The following RAD54L2 variants were observed in gnomAD, a reference collection of about 807,000 sequenced individuals.
RAD54L2 encodes the protein helicase ARIP4.
In RAD54L2, 27 loss-of-function variants were observed where a neutral mutation model predicts 138.4. The observed-to-expected ratio is 0.20, with a 90% confidence interval of 0.14 to 0.27. The LOEUF (loss-of-function observed/expected upper bound fraction) is 0.27, where lower values mean the gene tolerates loss of function less well. Among genes scored for constraint, RAD54L2 ranks in the 10% least tolerant of loss-of-function variants. The pLI is 1.00. For synonymous variants in RAD54L2, 644 were observed against 723.2 expected (o/e 0.89, Z 1.76); for missense variants, 1,396 against 1,890.2 (o/e 0.74, Z 4.85).
At chr3:51,615,885 CATT>C (rs1700432085) in intron 3 of RAD54L2, among the ~76,000 whole-genome samples, 1 of 152,078 alleles carries the variant, frequency 6.6e-6, no homozygotes, top group African/African-American at 2.4e-5. Context: ...TTATTCTTAA[CATT>C]ATTTTTCATT....
chr3:51,646,212 C>T, intron 18 of RAD54L2, 73 bp from the exon 19 acceptor site: 1 of 1,390,556 alleles, frequency 7.2e-7, no homozygotes, highest in South Asian at 1.3e-5. Context: ...CAGCTCTTTT[C>T]TTGGTCCTAA....
chr3:51,650,890 A>G (rs1701413315), intron 19 of RAD54L2, among the ~76,000 whole-genome samples: 1 of 152,242 alleles, frequency 6.6e-6, no homozygotes, highest in Non-Finnish European at 1.5e-5. Context: ...GAGAAGCAAG[A>G]GCAAACAAAT....
At chr3:51,632,289 C>T (rs1700865116) in intron 7 of RAD54L2, among the ~76,000 whole-genome samples, 1 of 151,872 alleles carries the variant, frequency 6.6e-6, no homozygotes, top group African/African-American at 2.4e-5. Context: ...AAAAACTCTT[C>T]TGTTGTTGTT....
intron 2 of RAD54L2, among the ~76,000 whole-genome samples, chr3:51,576,059 G>A (rs1039831082): frequency 1.3e-5 from 2 of 152,076 alleles, no homozygotes; most frequent in Admixed American, 1.3e-4. Flanking sequence ...TAGCATGAAG[G>A]GCTGTTGAAT....
intron 3 of RAD54L2, among the ~76,000 whole-genome samples, chr3:51,620,910 G>C (rs1700556520): frequency 6.6e-6 from 1 of 151,484 alleles, no homozygotes; most frequent in Non-Finnish European, 1.5e-5. Flanking sequence ...TTTTCTCTCA[G>C]TAACTGTTGG....
chr3:51,542,241 G>T (rs1698572126), intron 2 of RAD54L2, among the ~76,000 whole-genome samples: 1 of 152,162 alleles, frequency 6.6e-6, no homozygotes, highest in African/African-American at 2.4e-5. Flanking sequence ...GGAGATGAGG[G>T]CCTCAAGCTT....
chr3:51,564,885 A>G (rs1699178833), intron 2 of RAD54L2, among the ~76,000 whole-genome samples: 1 of 152,202 alleles, frequency 6.6e-6, no homozygotes, highest in Non-Finnish European at 1.5e-5. Context: ...CATGTTATTT[A>G]TATGTTAGGA....
intron 10 of RAD54L2, 148 bp downstream of exon 10, chr3:51,635,937 A>C (rs1344443698): frequency 1.2e-6 from 1 of 817,878 alleles, no homozygotes; most frequent in African/African-American, 1.7e-5. Flanking sequence ...GATCAGTAGG[A>C]TGACTTCCAA....
At chr3:51,603,668 T>A (rs1042478137) in intron 3 of RAD54L2, among the ~76,000 whole-genome samples, 1 of 152,068 alleles carries the variant, frequency 6.6e-6, no homozygotes, top group Non-Finnish European at 1.5e-5. Context: ...GAAGGCTGCC[T>A]GAAAAATAAA....
chr3:51,596,339 T>C (rs1699964269), intron 3 of RAD54L2, among the ~76,000 whole-genome samples: 1 of 151,524 alleles, frequency 6.6e-6, no homozygotes, highest in African/African-American at 2.4e-5. Context: ...TCTTTCAGTC[T>C]GTACAAATGG....
At chr3:51,609,120 G>C (rs1443984293) in intron 3 of RAD54L2, among the ~76,000 whole-genome samples, 1 of 152,138 alleles carries the variant, frequency 6.6e-6, no homozygotes, top group African/African-American at 2.4e-5. Context: ...CAAGTGATCT[G>C]CCTGCTTTGC....
chr3:51,556,789 T>A (rs1698978875), intron 2 of RAD54L2, among the ~76,000 whole-genome samples: 1 of 152,116 alleles, frequency 6.6e-6, no homozygotes, highest in East Asian at 1.9e-4. Flanking sequence ...TTGGTCAGGC[T>A]GTTGTCAAAC....
chr3:51,631,420 C>CTTT (rs898540419), intron 7 of RAD54L2, among the ~76,000 whole-genome samples: 1 of 128,322 alleles, frequency 7.8e-6, no homozygotes, highest in Non-Finnish European at 1.7e-5. Context: ...ATTAAGAACT[C>CTTT]TTTTTTTTTT....
chr3:51,541,475 T>C (rs1698546724), intron 1 of RAD54L2, 114 bp from the exon 2 acceptor site: 1 of 152,174 alleles, frequency 6.6e-6, no homozygotes, highest in Non-Finnish European at 1.5e-5. Flanking sequence ...GAGCAGTGAT[T>C]TACAAATACT....
rs998396611 is a variant in RAD54L2 at position 51,590,464 on chromosome 3, C to T, written c.44C>T (p.Pro15Leu). The change falls in exon 3 of 23, where the codon CCG (proline) becomes CTG (leucine). Residue 15 changes from proline (P) to leucine (L), a missense_variant. This residue lies in a region of RAD54L2 where 256 missense variants were observed against 344.6 expected (regional missense o/e 0.74). Transcript: ENST00000684192. ...SASGSDPDLD[P>L]DVELEDAEEE... Reference sequence around the variant, plus strand: ...TCAGGGAGCGATCCAGACCTGGACCCGGACGTGGAGCTGGAGGATGCGGAA... The same window carrying T: ...TCAGGGAGCGATCCAGACCTGGACCTGGACGTGGAGCTGGAGGATGCGGAA... 1.4e-5 allele frequency: 21 copies of T among 1,551,252 alleles called. No homozygotes were observed. The highest frequency in any genetic ancestry group is 9.8e-5 in the Admixed American group (5 of 50,938).
At chr3:51,570,646 G>A (rs1237673032) in intron 2 of RAD54L2, among the ~76,000 whole-genome samples, 3 of 151,278 alleles carry the variant, frequency 2.0e-5, no homozygotes, top group South Asian at 2.1e-4. Flanking sequence ...TAATAGAGAC[G>A]GGATTTCACC....
chr3:51,580,184 C>T (rs1053289084), intron 2 of RAD54L2, among the ~76,000 whole-genome samples: 2 of 152,186 alleles, frequency 1.3e-5, no homozygotes, highest in Non-Finnish European at 2.9e-5. Flanking sequence ...AAGACCCCTC[C>T]TCAGGTTTAA....
In RAD54L2 at chr3:51,662,023, T is replaced by C. The variant is rs1701789959; in HGVS notation, c.3410-403T>C. On this transcript the variant is annotated intron_variant, in intron 22 of 22. Coordinates refer to ENST00000684192, the MANE Select transcript of RAD54L2 (RefSeq NM_015106.4). This position sits in a 1 kb window ranked among gnomAD's most constrained non-coding sequence, Gnocchi z 4.6. ...TTGTCTTCCATAGCTATGGATTTTG[T>C]TTTGTTTTCAAATCAGAATGAACTG... Among the ~76,000 whole-genome samples, 1 of 152,226 alleles carries C rather than the reference T, an allele frequency of 6.6e-6. No homozygotes were observed. Among genetic ancestry groups the C allele is most frequent in the African/African-American group, 2.4e-5 (1 of 41,460 alleles).
intron 2 of RAD54L2, among the ~76,000 whole-genome samples, chr3:51,542,981 T>C (rs1202830905): frequency 2.0e-5 from 3 of 152,172 alleles, no homozygotes; most frequent in Non-Finnish European, 2.9e-5. Context: ...TCAGGACATT[T>C]CTCTGGCATT....
Sources: gnomAD v4.1 joint callset for allele counts (sites outside exome capture counted in the v4.1 genomes callset) on GRCh38, gnomAD v4.1.1 for gene constraint, gnomAD v4.1.1 regional missense constraint, Gnocchi (gnomAD v3.1) non-coding constraint, MANE v1.5 for transcripts, NCBI Gene and HGNC (gene_info 2026-07-23, HGNC 2026-07-21) for gene names.